NAV3: variants seen among roughly 807,000 people sequenced by gnomAD.
NAV3 encodes pore membrane and/or filament interacting like protein 1.
NAV3 carries 87 observed loss-of-function variants against 244.7 expected under a neutral mutation model. The observed-to-expected ratio is 0.36, with a 90% CI of 0.30 to 0.42. The LOEUF (loss-of-function observed/expected upper bound fraction) is 0.42, where lower values mean the gene tolerates loss of function less well. Ranked by LOEUF, NAV3 falls within the 20% of genes least tolerant of loss-of-function variation. The probability of loss-of-function intolerance (pLI) is 1.00; values close to 1 mark genes in which losing one functional copy is unlikely to be tolerated. For synonymous variants in NAV3, 1,126 were observed against 1,042.2 expected (o/e 1.08, Z -1.55); for missense variants, 2,663 against 2,893.3 (o/e 0.92, Z 1.83).
In NAV3 at chr12:77,940,359, G is replaced by A. The variant is rs760392099; in HGVS notation, c.284G>A (p.Gly95Asp). ...GCCAACCACTACCTAGCAAAATCAG[G>A]CCACAAGCGGCTGATCAAGGACTTG... The part of the protein sequence containing the change: ...DWANHYLAKS[G>D]HKRLIKDLQQ... Residue 95 changes from glycine to aspartate, a missense_variant, in exon 2 of 40, where the codon GGC (glycine) becomes GAC (aspartate). Coordinates refer to ENST00000397909, the MANE Select transcript of NAV3 (RefSeq NM_001024383.2). The A allele has an allele frequency of 1.2e-6, 2 of 1,613,766 alleles. No individual in the cohort carries two copies. The highest frequency in any genetic ancestry group is 8.5e-7 in the Non-Finnish European group (1 of 1,179,814).
chr12:77,835,232 A>C (rs1187961371), intron 1 of NAV3, among the ~76,000 whole-genome samples: 1 of 152,202 alleles, frequency 6.6e-6, no homozygotes, highest in East Asian at 1.9e-4. Flanking sequence ...TATAGTTCCA[A>C]GGCCTTACCT....
intron 2 of NAV3, among the ~76,000 whole-genome samples, chr12:77,686,551 G>A (rs1020979266): frequency 6.7e-6 from 1 of 150,134 alleles, no homozygotes; most frequent in Non-Finnish European, 1.5e-5. Context: ...ATCAGACTTC[G>A]ATTTGTCAGG....
chr12:77,888,428 G>A (rs754120773), intron 1 of NAV3, among the ~76,000 whole-genome samples: 1 of 152,072 alleles, frequency 6.6e-6, no homozygotes, highest in Non-Finnish European at 1.5e-5. Context: ...AGTGAGCCGC[G>A]ATCATGTCAC....
chr12:77,841,758 A>G (rs186708844), intron 1 of NAV3, among the ~76,000 whole-genome samples: 25 of 152,308 alleles, frequency 1.6e-4, no homozygotes, highest in Middle Eastern at 3.4e-3. Context: ...ATGGTTGCTG[A>G]CACATATATA....
chr12:77,661,387 T>C (rs1286453452), intron 2 of NAV3, among the ~76,000 whole-genome samples: 2 of 152,112 alleles, frequency 1.3e-5, no homozygotes, highest in African/African-American at 4.8e-5. Flanking sequence ...CAATAAGATA[T>C]ATGCTCAGAT....
chr12:78,198,481 C>A, intron 35 of NAV3, 124 bp from the exon 36 acceptor site: 2 of 521,708 alleles, frequency 3.8e-6, no homozygotes, highest in Non-Finnish European at 3.4e-6. Context: ...CAGAATTACC[C>A]TTTAAAAGAC....
intron 18 of NAV3, among the ~76,000 whole-genome samples, chr12:78,134,538 A>G (rs1271196566): frequency 1.3e-5 from 2 of 152,148 alleles, no homozygotes; most frequent in African/African-American, 2.4e-5. Context: ...TAATAAACTC[A>G]CTAGTTAATG....
intron 1 of NAV3, among the ~76,000 whole-genome samples, chr12:77,878,809 C>T (rs1022301195): frequency 2.0e-5 from 3 of 151,356 alleles, no homozygotes; most frequent in African/African-American, 4.9e-5. Flanking sequence ...GCGTTCCCAT[C>T]GTATTTACTC....
intron 2 of NAV3, among the ~76,000 whole-genome samples, chr12:77,695,624 C>A (rs913886645): frequency 6.6e-6 from 1 of 152,072 alleles, no homozygotes; most frequent in Non-Finnish European, 1.5e-5. Context: ...GTACAAAATA[C>A]GATGAATAAT....
At chr12:77,698,692 C>T (rs1190569316) in intron 2 of NAV3, among the ~76,000 whole-genome samples, 3 of 152,046 alleles carry the variant, frequency 2.0e-5, no homozygotes. Flanking sequence ...GAGACACAAC[C>T]CTCAAGATAA....
intron 2 of NAV3, among the ~76,000 whole-genome samples, chr12:77,683,379 T>C (rs1592578067): frequency 6.6e-6 from 1 of 152,232 alleles, no homozygotes; most frequent in East Asian, 1.9e-4. Context: ...TGTATGTGTT[T>C]TTTTTTGCCA....
At chr12:77,848,847 AAGC>A (rs1358652159) in intron 1 of NAV3, among the ~76,000 whole-genome samples, 1 of 152,194 alleles carries the variant, frequency 6.6e-6, no homozygotes. Context: ...ACCCAGGTGA[AAGC>A]AGAGAAATCT....
intron 12 of NAV3, among the ~76,000 whole-genome samples, chr12:78,079,043 C>T (rs1233351525): frequency 6.6e-6 from 1 of 152,154 alleles, no homozygotes; most frequent in Non-Finnish European, 1.5e-5. Flanking sequence ...CTCCTATGTC[C>T]TAGCAGCACT....
intron 2 of NAV3, among the ~76,000 whole-genome samples, chr12:77,784,928 TTG>T (rs1304684649): frequency 6.6e-6 from 1 of 152,170 alleles, no homozygotes; most frequent in Non-Finnish European, 1.5e-5. Flanking sequence ...AATTAGAATT[TTG>T]TGTTTTCTAA....
At chr12:77,898,976 C>T (rs2136884253) in intron 1 of NAV3, among the ~76,000 whole-genome samples, 1 of 152,222 alleles carries the variant, frequency 6.6e-6, no homozygotes, top group South Asian at 2.1e-4. Flanking sequence ...TCATGACCCA[C>T]CATGGGAAGT....
chr12:77,899,805 A>G (rs974624820), intron 1 of NAV3, among the ~76,000 whole-genome samples: 1 of 152,168 alleles, frequency 6.6e-6, no homozygotes, highest in African/African-American at 2.4e-5. Context: ...GCTATGAGAA[A>G]CCCATCATTT....
intron 5 of NAV3, among the ~76,000 whole-genome samples, chr12:77,983,103 T>C (rs1869860913): frequency 6.6e-6 from 1 of 152,182 alleles, no homozygotes; most frequent in South Asian, 2.1e-4. Context: ...TTTGTGGAAG[T>C]TGTGAACTCT....
At chr12:78,057,917 T>TC (rs903209905) in intron 11 of NAV3, among the ~76,000 whole-genome samples, 2 of 152,152 alleles carry the variant, frequency 1.3e-5, no homozygotes, top group African/African-American at 2.4e-5. Context: ...TTCCAAACAA[T>TC]CATTTAAAAA....
At chr12:77,744,889 A>G (rs757174807) in intron 2 of NAV3, among the ~76,000 whole-genome samples, 8 of 152,096 alleles carry the variant, frequency 5.3e-5, no homozygotes, top group Non-Finnish European at 1.2e-4. Context: ...CAGAAGTTGT[A>G]GTGAACTTTT....
Sources: allele counts gnomAD v4.1 joint callset (sites outside exome capture counted in the v4.1 genomes callset), GRCh38; gene constraint gnomAD v4.1.1; transcripts MANE v1.5; gene names NCBI Gene and HGNC (gene_info 2026-07-23, HGNC 2026-07-21).